Variants in SLC9A2 observed in about 807,000 individuals in gnomAD.
SLC9A2 encodes sodium/hydrogen exchanger 2.
In SLC9A2, 42 loss-of-function variants were observed where a neutral mutation model predicts 71.7. The observed-to-expected ratio is 0.59, with a 90% CI of 0.46 to 0.76. The LOEUF (loss-of-function observed/expected upper bound fraction) is 0.76. SLC9A2 is among the 30% of genes least tolerant of loss of function. SLC9A2 has a pLI of 0.00. For missense variants in SLC9A2, 829 were observed against 1,017.4 expected, an observed-to-expected ratio of 0.81 and a Z score of 2.52; for synonymous variants, 396 against 392.5, an observed-to-expected ratio of 1.01 and a Z score of -0.10.
At chr2:102,687,578 A>T (rs1677570907) in intron 5 of SLC9A2, among the ~76,000 whole-genome samples, 1 of 152,214 alleles carries the variant, frequency 6.6e-6, no homozygotes. Context: ...TCAATATTTT[A>T]TATGATAAGC....
intron 5 of SLC9A2, among the ~76,000 whole-genome samples, chr2:102,685,388 G>A (rs1677529588): frequency 1.3e-5 from 2 of 152,206 alleles, no homozygotes; most frequent in African/African-American, 4.8e-5. Context: ...GAAGCCATTA[G>A]AGAGTGTCAT....
intron 7 of SLC9A2, among the ~76,000 whole-genome samples, chr2:102,700,808 CAT>C (rs1469222584): frequency 6.6e-6 from 1 of 151,834 alleles, no homozygotes; most frequent in African/African-American, 2.4e-5. Context: ...GTCATATATA[CAT>C]ATATGTGTAT....
chr2:102,637,013 G>A (rs1183949950), intron 1 of SLC9A2, among the ~76,000 whole-genome samples: 5 of 152,096 alleles, frequency 3.3e-5, no homozygotes, highest in Non-Finnish European at 7.4e-5. Context: ...TTGGAAGAAA[G>A]GAAGAAAAGA....
chr2:102,641,482 G>C (rs143499546), intron 1 of SLC9A2, among the ~76,000 whole-genome samples: 1 of 151,538 alleles, frequency 6.6e-6, no homozygotes, highest in Non-Finnish European at 1.5e-5. Context: ...CGTTCTGCTT[G>C]AGAAGACCCT....
intron 5 of SLC9A2, among the ~76,000 whole-genome samples, chr2:102,685,109 G>T (rs943392312): frequency 2.0e-5 from 3 of 152,200 alleles, no homozygotes; most frequent in African/African-American, 7.2e-5. Flanking sequence ...AACATCAAAT[G>T]GTCATGAAAG....
intron 6 of SLC9A2, 146 bp from the exon 7 acceptor site, chr2:102,694,897 C>CTGTT (rs2104548774): frequency 1.5e-6 from 1 of 647,806 alleles, no homozygotes; most frequent in East Asian, 2.7e-5. Context: ...TGAAAATGAA[C>CTGTT]TGTTTTATTG....
chr2:102,645,410 ACTC>A (rs1008702025), intron 1 of SLC9A2, among the ~76,000 whole-genome samples: 3 of 151,888 alleles, frequency 2.0e-5, no homozygotes, highest in Non-Finnish European at 4.4e-5. Flanking sequence ...AATGATAACA[ACTC>A]CTCTCCAGCA....
rs1491478714 is a variant in SLC9A2, at chr2:102,621,353, A to AG, written c.289+1216_289+1217insG. Among the ~76,000 whole-genome samples, 4 of 56,682 alleles carry AG rather than the reference A, an allele frequency of 7.1e-5. No homozygotes were observed. The East Asian group carries it at 1.3e-3, about 19-fold the overall frequency. The allele number at this position is 56,682 out of a possible 152,430, so 37.2% of individuals were successfully genotyped here. A position where few individuals can be genotyped will look rare whatever the true frequency, so the allele number is the denominator to read the frequency against. On this transcript the variant is annotated intron_variant, in intron 1 of 11. Coordinates refer to ENST00000233969, the MANE Select transcript of SLC9A2 (RefSeq NM_003048.6). The stretch of plus-strand genomic sequence containing the variant: ...CACAGAGAGATACCTTGTCTCAGGG[A>AG]AAAAAAAAAAAAAAAAAAAATTACC...
At chr2:102,691,439 A>G (rs970597691) in intron 5 of SLC9A2, among the ~76,000 whole-genome samples, 1 of 152,046 alleles carries the variant, frequency 6.6e-6, no homozygotes, top group Non-Finnish European at 1.5e-5. Flanking sequence ...CTCCCTCCCA[A>G]CCAGACACCC....
intron 3 of SLC9A2, among the ~76,000 whole-genome samples, chr2:102,668,689 G>A (rs537637165): frequency 4.6e-5 from 7 of 152,350 alleles, no homozygotes; most frequent in African/African-American, 1.7e-4. Context: ...TAGGCAGAGA[G>A]GACAGGCACC....
intron 5 of SLC9A2, among the ~76,000 whole-genome samples, chr2:102,687,873 G>A (rs1677578725): frequency 1.3e-5 from 2 of 152,068 alleles, no homozygotes; most frequent in South Asian, 2.1e-4. Flanking sequence ...CTGCCTCCTA[G>A]GTTCCAGCGA....
intron 2 of SLC9A2, among the ~76,000 whole-genome samples, chr2:102,664,238 C>T (rs373996060): frequency 1.9e-4 from 29 of 148,918 alleles, no homozygotes; most frequent in African/African-American, 6.7e-4. Context: ...ATCAAGATCA[C>T]GCCACTGTAC....
chr2:102,631,705 G>A (rs1397904547), intron 1 of SLC9A2, among the ~76,000 whole-genome samples: 2 of 151,808 alleles, frequency 1.3e-5, no homozygotes, highest in East Asian at 1.9e-4. Context: ...TATCATAATG[G>A]CTTCTCTTTA....
At chr2:102,654,452 A>T (rs555581670) in intron 1 of SLC9A2, among the ~76,000 whole-genome samples, 98 of 152,284 alleles carry the variant, frequency 6.4e-4, no homozygotes, top group Admixed American at 1.6e-3. Flanking sequence ...TATTAAAATA[A>T]AGCTAGATTT....
chr2:102,644,919 C>A (rs1005218806), intron 1 of SLC9A2, among the ~76,000 whole-genome samples: 10 of 152,216 alleles, frequency 6.6e-5, no homozygotes, highest in African/African-American at 2.2e-4. Flanking sequence ...AAGAGAGCAG[C>A]AGATCTCCCA....
Position 102,709,377 on chromosome 2 carries a change from G to A in SLC9A2, c.*888G>A, listed in dbSNP as rs1487333798. 3 of 152,460 alleles carry A rather than the reference G, an allele frequency of 2.0e-5. No individual in the cohort carries two copies. The highest frequency in any genetic ancestry group is 7.2e-5 in the African/African-American group (3 of 41,434). The allele number at this position is 152,460 out of a possible 1,614,324, so 9.4% of individuals were successfully genotyped here. The stretch of plus-strand genomic sequence containing the variant: ...GTTACAACTTGCTGGTGGGTTTTAT[G>A]TTGTGCAATACTAGGAGGAGGAGGC... On this transcript the variant is annotated 3_prime_UTR_variant, in exon 12 of 12. Transcript: ENST00000233969.
intron 3 of SLC9A2, among the ~76,000 whole-genome samples, chr2:102,677,441 C>T (rs1478624548): frequency 6.6e-6 from 1 of 152,156 alleles, no homozygotes; most frequent in Non-Finnish European, 1.5e-5. Context: ...TTCTCTGTCT[C>T]TAAATTGGTG....
At chr2:102,692,341 G>A (rs1677679951) in intron 5 of SLC9A2, among the ~76,000 whole-genome samples, 1 of 152,162 alleles carries the variant, frequency 6.6e-6, no homozygotes, top group African/African-American at 2.4e-5. Context: ...AAATGGATGT[G>A]TATGTGTGTC....
intron 1 of SLC9A2, among the ~76,000 whole-genome samples, chr2:102,632,378 TTATTACATTAA>T (rs1034529878): frequency 2.0e-5 from 3 of 150,802 alleles, no homozygotes; most frequent in Non-Finnish European, 4.4e-5. Context: ...AAGCATGTGT[TTATTACATTAA>T]TATTATATTA....
Sources: allele counts gnomAD v4.1 joint callset (sites outside exome capture counted in the v4.1 genomes callset), GRCh38; gene constraint gnomAD v4.1.1; transcripts MANE v1.5; gene names NCBI Gene and HGNC (gene_info 2026-07-23, HGNC 2026-07-21).